NRG3: variants seen among roughly 807,000 people sequenced by gnomAD.
NRG3 encodes neuregulin 3.
A neutral mutation model predicts 66.9 loss-of-function variants in NRG3; 31 were observed. That is an observed-to-expected ratio of 0.46 (90% CI 0.35 to 0.63). The LOEUF is 0.63. Ranked by LOEUF, NRG3 falls within the 20% of genes least tolerant of loss-of-function variation. The pLI is 0.00. For missense variants in NRG3, 910 were observed against 878.9 expected (o/e 1.04, Z -0.45); for synonymous variants, 393 against 359.4 (o/e 1.09, Z -1.06).
chr10:82,458,600 C>A (rs1299689502), intron 2 of NRG3, among the ~76,000 whole-genome samples: 2 of 152,120 alleles, frequency 1.3e-5, no homozygotes, highest in East Asian at 3.9e-4. Context: ...GGGACCAAGA[C>A]CTCGCTCTGT....
intron 1 of NRG3, among the ~76,000 whole-genome samples, chr10:82,358,384 G>A (rs1377976404): frequency 6.6e-6 from 1 of 152,132 alleles, no homozygotes; most frequent in Non-Finnish European, 1.5e-5. Context: ...AAAGGGAAGG[G>A]AATGTTGTTT....
chr10:82,399,847 T>G (rs573543937), intron 2 of NRG3, among the ~76,000 whole-genome samples: 1 of 152,208 alleles, frequency 6.6e-6, no homozygotes, highest in East Asian at 1.9e-4. Context: ...TGTTGGCACA[T>G]AGGCATTTGC....
chr10:82,058,327 A>G (rs1042787126), intron 1 of NRG3, among the ~76,000 whole-genome samples: 1 of 151,992 alleles, frequency 6.6e-6, no homozygotes, highest in African/African-American at 2.4e-5. Context: ...TATATAGTCA[A>G]ATATATTGAT....
intron 1 of NRG3, among the ~76,000 whole-genome samples, chr10:82,277,084 T>C (rs2078889513): frequency 6.8e-6 from 1 of 146,988 alleles, no homozygotes; most frequent in Non-Finnish European, 1.5e-5. Context: ...CAGATATTTG[T>C]TTTTTACTTT....
At chr10:82,966,995 A>T (rs1294510216) in intron 6 of NRG3, among the ~76,000 whole-genome samples, 3 of 151,208 alleles carry the variant, frequency 2.0e-5, no homozygotes, top group Non-Finnish European at 2.9e-5. Context: ...TGGTTCTAGA[A>T]TCAGCCATTT....
In NRG3 at chr10:82,112,818, G is replaced by C. The variant is rs549607822; in HGVS notation, c.823+236655G>C. 4.9e-4 allele frequency among the ~76,000 whole-genome samples: 74 copies of C among 152,084 alleles called. 1 individual carries two copies. The highest frequency in any genetic ancestry group is 9.0e-4 in the Non-Finnish European group (61 of 68,018). On this transcript the variant is annotated intron_variant, in intron 1 of 8. Coordinates refer to ENST00000372141, the MANE Select transcript of NRG3 (RefSeq NM_001010848.4). ...TCGTGACCATGCTTTGTTTGCAATG[G>C]ATATGTATTTCAGTGATATCACAGC... is the stretch of plus-strand genomic sequence containing the variant.
At chr10:82,759,603 A>G (rs1405882009) in intron 3 of NRG3, among the ~76,000 whole-genome samples, 2 of 152,168 alleles carry the variant, frequency 1.3e-5, no homozygotes, top group Non-Finnish European at 2.9e-5. Flanking sequence ...TCCTGCACAT[A>G]GAGCTCCTGG....
At chr10:82,559,687 A>G (rs912866410) in intron 2 of NRG3, among the ~76,000 whole-genome samples, 2 of 152,214 alleles carry the variant, frequency 1.3e-5, no homozygotes, top group African/African-American at 4.8e-5. Context: ...TGCATGCATA[A>G]TGGTCCTTAG....
chr10:82,790,721 TGATG>T (rs1199385023), intron 3 of NRG3, among the ~76,000 whole-genome samples: 1 of 152,062 alleles, frequency 6.6e-6, no homozygotes, highest in Non-Finnish European at 1.5e-5. Flanking sequence ...TCAGTGTGAT[TGATG>T]GTACCACATA....
chr10:81,982,070 T>G (rs2133473687), intron 1 of NRG3, among the ~76,000 whole-genome samples: 1 of 152,350 alleles, frequency 6.6e-6, no homozygotes, highest in African/African-American at 2.4e-5. Flanking sequence ...GGTTGCTTTT[T>G]GCTTAACAAT....
chr10:81,975,633 G>C (rs955718782), intron 1 of NRG3, among the ~76,000 whole-genome samples: 3 of 152,086 alleles, frequency 2.0e-5, no homozygotes, highest in Admixed American at 2.0e-4. Context: ...GGAAATTGTG[G>C]ATCAGTGTAC....
intron 1 of NRG3, among the ~76,000 whole-genome samples, chr10:81,884,434 A>G (rs908007094): frequency 3.3e-5 from 5 of 152,172 alleles, no homozygotes; most frequent in African/African-American, 1.2e-4. Context: ...TTATTTTTTA[A>G]GTTTTGTTGA....
At chr10:82,527,285 T>C (rs183664972) in intron 2 of NRG3, among the ~76,000 whole-genome samples, 15 of 151,056 alleles carry the variant, frequency 9.9e-5, no homozygotes, top group African/African-American at 3.7e-4. Context: ...AAATGATGCT[T>C]AAAATGTAAT....
At chr10:81,881,461 C>T (rs953091982) in intron 1 of NRG3, among the ~76,000 whole-genome samples, 1 of 152,018 alleles carries the variant, frequency 6.6e-6, no homozygotes, top group Non-Finnish European at 1.5e-5. Context: ...TTCTTTTCCC[C>T]CATAGATTGG....
intron 2 of NRG3, among the ~76,000 whole-genome samples, chr10:82,534,644 C>T (rs1386970705): frequency 1.3e-5 from 2 of 152,042 alleles, no homozygotes; most frequent in African/African-American, 4.8e-5. Context: ...AGAACAAAGC[C>T]AGAGGCATCA....
At chr10:82,938,389 A>G (rs1385241600) in intron 4 of NRG3, among the ~76,000 whole-genome samples, 1 of 152,164 alleles carries the variant, frequency 6.6e-6, no homozygotes, top group Non-Finnish European at 1.5e-5. Context: ...CAGAGGAGAG[A>G]ACCCCTGCCT....
At chr10:82,716,245 G>T (rs2056964830) in intron 2 of NRG3, among the ~76,000 whole-genome samples, 1 of 152,096 alleles carries the variant, frequency 6.6e-6, no homozygotes, top group Admixed American at 6.6e-5. Context: ...TAATATTCAG[G>T]TAAGTTTTTT....
At chr10:82,893,477 C>T (rs1297600812) in intron 4 of NRG3, among the ~76,000 whole-genome samples, 6 of 152,276 alleles carry the variant, frequency 3.9e-5, no homozygotes, top group Admixed American at 3.3e-4. Flanking sequence ...ATCACGAGGT[C>T]AGGAGATCGA....
At chr10:81,939,277 G>A (rs1277073502) in intron 1 of NRG3, among the ~76,000 whole-genome samples, 1 of 151,916 alleles carries the variant, frequency 6.6e-6, no homozygotes, top group Non-Finnish European at 1.5e-5. Flanking sequence ...GGTAAAAATG[G>A]CCTCATAAAG....
Sources: gnomAD v4.1 joint callset for allele counts (sites outside exome capture counted in the v4.1 genomes callset) on GRCh38, gnomAD v4.1.1 for gene constraint, MANE v1.5 for transcripts, NCBI Gene and HGNC (gene_info 2026-07-23, HGNC 2026-07-21) for gene names.